Variants in C9orf72 observed in about 807,000 individuals in gnomAD.
C9orf72 encodes C9orf72-SMCR8 complex subunit.
A neutral mutation model predicts 51.6 loss-of-function variants in C9orf72; 44 were observed. That is an observed-to-expected ratio of 0.85 (90% CI 0.67 to 1.10). The LOEUF (loss-of-function observed/expected upper bound fraction) is 1.10, where lower values mean the gene tolerates loss of function less well. Ranked by LOEUF, C9orf72 falls within the 50% of genes least tolerant of loss-of-function variation. C9orf72 has a pLI of 0.00. For missense variants in C9orf72, 607 were observed against 570.6 expected (o/e 1.06, Z -0.65); for synonymous variants, 213 against 194.2 (o/e 1.10, Z -0.81).
At chr9:27,568,474 T>C (rs925223755) in intron 1 of C9orf72, among the ~76,000 whole-genome samples, 1 of 152,206 alleles carries the variant, frequency 6.6e-6, no homozygotes, top group African/African-American at 2.4e-5. Context: ...CTTGGTCCCC[T>C]TGCTCAACTT....
intron 3 of C9orf72, among the ~76,000 whole-genome samples, chr9:27,564,156 CAA>C (rs11438223): frequency 7.6e-4 from 66 of 86,702 alleles, no homozygotes; most frequent in Middle Eastern, 7.2e-3. Context: ...TCAACAACAC[CAA>C]AAAAAAAAAA....
Position 27,562,466 on chromosome 9 carries a change from A to C in C9orf72, c.515T>G (p.Ile172Ser). The C allele has an allele frequency of 6.4e-7, 1 of 1,568,864 alleles. No homozygotes were observed. The highest frequency in any genetic ancestry group is 2.3e-5 in the East Asian group (1 of 43,038). ...TERMEDQGQS[I>S]IPMLTGEVIP... Reference sequence around the variant, plus strand: ...CACTTCTCCAGTAAGCATTGGAATAATACTCTGACCCTGCACAATAAAGTG... The same window carrying C: ...CACTTCTCCAGTAAGCATTGGAATACTACTCTGACCCTGCACAATAAAGTG... The change falls in exon 4 of 11, where the codon ATT becomes AGT. Residue 172 changes from isoleucine (I) to serine (S), a missense_variant. Coordinates refer to ENST00000380003, the MANE Select transcript of C9orf72 (RefSeq NM_018325.5).
intron 8 of C9orf72, among the ~76,000 whole-genome samples, chr9:27,556,127 GT>G (rs1819189292): frequency 6.7e-6 from 1 of 149,662 alleles, no homozygotes; most frequent in Non-Finnish European, 1.5e-5. Context: ...TATTTTAACA[GT>G]TTTGCTGTAT....
intron 8 of C9orf72, among the ~76,000 whole-genome samples, chr9:27,552,030 G>T (rs899092886): frequency 6.6e-6 from 1 of 152,130 alleles, no homozygotes; most frequent in Non-Finnish European, 1.5e-5. Context: ...ATTTTTAACA[G>T]ATTTAGGAGT....
In C9orf72 at chr9:27,547,291, T is replaced by G. The variant is rs1314704519; in HGVS notation, c.*945A>C. On this transcript the variant is annotated 3_prime_UTR_variant, in exon 11 of 11. Transcript: ENST00000380003. ...AAAGATCTTATTAGTTAGTATATTC[T>G]CTAAGGCATTTTATAATCTCAGAGT... 7 of 152,660 alleles carry G rather than the reference T, an allele frequency of 4.6e-5. No individual in the cohort carries two copies. The highest frequency in any genetic ancestry group is 3.9e-4 in the Admixed American group (6 of 15,288). 9.5% of individuals were successfully genotyped at this position (152,660 alleles called of 1,614,324 possible).
intron 7 of C9orf72, 56 bp from the exon 8 acceptor site, chr9:27,556,852 G>GT: frequency 8.5e-7 from 1 of 1,173,146 alleles, no homozygotes; most frequent in East Asian, 2.4e-5. Context: ...ATGAATAATT[G>GT]TTTTTTAATT....
In C9orf72 at chr9:27,548,673, G is replaced by C; in HGVS notation, c.1150-7C>G. On this transcript the variant is annotated splice_region_variant and splice_polypyrimidine_tract_variant and intron_variant, in intron 9 of 10. Transcript: ENST00000380003. ...CAGGTTTCAGCTGAAAGACCTGCAG[G>C]GAGAGGAACCATTTCAACACATAAT... The C allele has an allele frequency of 1.3e-6, 2 of 1,514,694 alleles. No homozygotes were observed. Among genetic ancestry groups the C allele is most frequent in the Non-Finnish European group, 1.8e-6 (2 of 1,089,960 alleles). The allele number at this position is 1,514,694 out of a possible 1,614,324, so 93.8% of individuals were successfully genotyped here. A position where few individuals can be genotyped will look rare whatever the true frequency, so the allele number is the denominator to read the frequency against.
At chr9:27,573,523 C>CGCCCCGGCCCCGCCCCGACCACGCCCCG (rs1819644292), upstream of C9orf72, 1 of 142,348 alleles carries the variant, frequency 7.0e-6, no homozygotes, top group South Asian at 1.9e-4. Flanking sequence ...GCCCCGACCA[C>CGCCCCGGCCCCGCCCCGACCACGCCCCG]GCCCCGGCCC....
chr9:27,548,183 C>T lies in C9orf72; in HGVS notation c.*53G>A, dbSNP rs1461067931. ...GGGAACGTTTCCCCACACCACTGAG[C>T]TACTTTACCAGCGATCATGATTGTG... is the stretch of plus-strand genomic sequence containing the variant. On this transcript the variant is annotated 3_prime_UTR_variant, in exon 11 of 11. Coordinates refer to ENST00000380003, the MANE Select transcript of C9orf72 (RefSeq NM_018325.5). 2.1e-6 allele frequency: 3 copies of T among 1,399,456 alleles called. No homozygotes were observed. The Admixed American group carries it at 6.0e-5, about 28-fold the overall frequency. The allele number at this position is 1,399,456 out of a possible 1,614,324, so 86.7% of individuals were successfully genotyped here.
At chr9:27,557,334 T>C (rs1399920445) in intron 7 of C9orf72, among the ~76,000 whole-genome samples, 1 of 152,162 alleles carries the variant, frequency 6.6e-6, no homozygotes, top group Admixed American at 6.6e-5. Flanking sequence ...TCCTAATCAG[T>C]TGGGGTAGCC....
rs548322360 is a variant in C9orf72 at position 27,548,818 on chromosome 9, T to C, written c.1150-152A>G. On this transcript the variant is annotated intron_variant, in intron 9 of 10. Coordinates refer to ENST00000380003, the MANE Select transcript of C9orf72 (RefSeq NM_018325.5). ...GATGCCCCCTAACAGGAGTGTGGTA[T>C]AGAAGCACTAGGTGTAGGAACAATC... 23 of 556,580 alleles carry C rather than the reference T, an allele frequency of 4.1e-5. No homozygotes were observed. The Admixed American group carries it at 4.5e-4, about 11-fold the overall frequency. The allele number at this position is 556,580 out of a possible 1,614,324, so 34.5% of individuals were successfully genotyped here.
Position 27,546,604 on chromosome 9 carries a change from T to C in C9orf72, c.*1632A>G, listed in dbSNP as rs913007524. On this transcript the variant is annotated 3_prime_UTR_variant, in exon 11 of 11. Transcript: ENST00000380003. ...ATTTAGGAGAAAAGATATATAACAA[T>C]GTTTACACATGCTTTAATAACTTAT... 1 of 152,190 alleles carries C rather than the reference T, an allele frequency of 6.6e-6. No homozygotes were observed. The highest frequency in any genetic ancestry group is 1.5e-5 in the Non-Finnish European group (1 of 68,018). 9.4% of individuals were successfully genotyped at this position (152,190 alleles called of 1,614,324 possible).
chr9:27,569,222 A>T (rs1424690203), intron 1 of C9orf72, among the ~76,000 whole-genome samples: 1 of 152,354 alleles, frequency 6.6e-6, no homozygotes, highest in African/African-American at 2.4e-5. Flanking sequence ...AAAAGTTTAC[A>T]AAGTTAAAAA....
At position 27,548,435 on chromosome 9, in the gene C9orf72, G is replaced by GAAAAAA. The variant is rs11292923; in HGVS notation, c.1260-19_1260-14dup. ...TTTTCCCTTCTGCCTAAAAATAATG[G>GAAAAAA]AAAAAAAAAAAAAAAAAAAAAAAAA... On this transcript the variant is annotated splice_polypyrimidine_tract_variant and intron_variant, in intron 10 of 10. Coordinates refer to ENST00000380003, the MANE Select transcript of C9orf72 (RefSeq NM_018325.5). 196 of 174,822 alleles carry GAAAAAA rather than the reference G, an allele frequency of 1.1e-3. 2 individuals carry two copies. Among genetic ancestry groups the GAAAAAA allele is most frequent in the East Asian group, 1.5e-3 (22 of 14,906 alleles). The allele number at this position is 174,822 out of a possible 1,614,324, so 10.8% of individuals were successfully genotyped here. A position where few individuals can be genotyped will look rare whatever the true frequency, so the allele number is the denominator to read the frequency against.
At chr9:27,553,684 C>T (rs1439483825) in intron 8 of C9orf72, among the ~76,000 whole-genome samples, 1 of 152,058 alleles carries the variant, frequency 6.6e-6, no homozygotes, top group East Asian at 1.9e-4. Context: ...CCAAAAGCAA[C>T]TGCAACAAAA....
intron 9 of C9orf72, 121 bp downstream of exon 9, chr9:27,550,529 G>A (rs1348006912): frequency 1.2e-5 from 7 of 561,262 alleles, no homozygotes; most frequent in Non-Finnish European, 1.9e-5. Context: ...TGCAATTGCT[G>A]AGCAGAACTC....
intron 3 of C9orf72, among the ~76,000 whole-genome samples, chr9:27,562,812 T>C (rs975153987): frequency 5.9e-5 from 9 of 151,914 alleles, no homozygotes; most frequent in Non-Finnish European, 1.2e-4. Context: ...GCTGGGACTA[T>C]AGGTGCCGCC....
Position 27,548,119 on chromosome 9 carries a change from C to T in C9orf72, c.*117G>A. On this transcript the variant is annotated 3_prime_UTR_variant, in exon 11 of 11. Coordinates refer to ENST00000380003, the MANE Select transcript of C9orf72 (RefSeq NM_018325.5). ...GAGAACTGTAGTGTAACTTACTTAA[C>T]TGCAATTGCTGAGAGCAGAATTCTG... 1 of 673,886 alleles carries T rather than the reference C, an allele frequency of 1.5e-6. No homozygotes were observed. Among genetic ancestry groups the T allele is most frequent in the Non-Finnish European group, 2.4e-6 (1 of 416,188 alleles). 41.7% of individuals were successfully genotyped at this position (673,886 alleles called of 1,614,324 possible).
At chr9:27,556,082 T>C (rs1387030860) in intron 8 of C9orf72, among the ~76,000 whole-genome samples, 1 of 151,816 alleles carries the variant, frequency 6.6e-6, no homozygotes, top group Non-Finnish European at 1.5e-5. Context: ...TGAATAACAA[T>C]ATAAAATGCA....
Sources: allele counts gnomAD v4.1 joint callset (sites outside exome capture counted in the v4.1 genomes callset), GRCh38; gene constraint gnomAD v4.1.1; transcripts MANE v1.5; gene names NCBI Gene and HGNC (gene_info 2026-07-23, HGNC 2026-07-21).